MYLIP: variants seen among roughly 807,000 people sequenced by gnomAD.
MYLIP encodes the protein E3 ubiquitin-protein ligase MYLIP.
A neutral mutation model predicts 45.8 loss-of-function variants in MYLIP; 26 were observed. The ratio of observed to expected loss-of-function variants is 0.57; its 90% confidence interval spans 0.42 to 0.79. The LOEUF is 0.79. Ranked by LOEUF, MYLIP falls within the 30% of genes least tolerant of loss-of-function variation. MYLIP has a pLI of 0.00. For synonymous variants in MYLIP, 213 were observed against 218.1 expected, an observed-to-expected ratio of 0.98 and a Z score of 0.21; for missense variants, 494 against 555.6, an observed-to-expected ratio of 0.89 and a Z score of 1.11.
chr6:16,138,118 A>G (rs549487189), intron 2 of MYLIP, among the ~76,000 whole-genome samples: 7 of 152,352 alleles, frequency 4.6e-5, no homozygotes, highest in African/African-American at 1.7e-4. Flanking sequence ...CATAGGATGT[A>G]TTCATGGACA....
chr6:16,145,084 G>A lies in MYLIP; in HGVS notation c.1015G>A (p.Val339Ile), dbSNP rs142124143. The A allele has an allele frequency of 1.8e-3, 2,966 of 1,614,190 alleles. 4 individuals carry two copies. Among genetic ancestry groups the A allele is most frequent in the Non-Finnish European group, 2.2e-3 (2,568 of 1,180,016 alleles). ...ALYNAGVVDL[V>I]SRNNQSPSHS... ...GTACAATGCTGGCGTTGTGGACCTC[G>A]TTTCAAGAAACAACCAGAGCCCTTC... The change falls in exon 6 of 7, where the codon GTT becomes ATT. Residue 339 changes from valine to isoleucine, a missense_variant. Val to Ile is a conservative substitution (Grantham distance 29). Transcript: ENST00000356840.
At chr6:16,137,147 C>A (rs1165487097) in intron 2 of MYLIP, among the ~76,000 whole-genome samples, 3 of 152,180 alleles carry the variant, frequency 2.0e-5, no homozygotes, top group African/African-American at 4.8e-5. Flanking sequence ...ACGGTTTTAG[C>A]TTTTACATTT....
the MYLIP span, among the ~76,000 whole-genome samples, chr6:16,162,939 A>G: frequency 6.6e-6 from 1 of 152,172 alleles, no homozygotes; most frequent in African/African-American, 2.4e-5. Flanking sequence ...ATTCAGAAAG[A>G]TGACACGCCC....
At position 16,146,886 on chromosome 6, in the gene MYLIP, G is replaced by C; in HGVS notation, c.*135G>C. Reference sequence around the variant, plus strand: ...CGATGTTAAAAAAAAAAAAAAGGAAGAAAAATAACACAGCTACTCCTCACT... The same window carrying C: ...CGATGTTAAAAAAAAAAAAAAGGAACAAAAATAACACAGCTACTCCTCACT... On this transcript the variant is annotated 3_prime_UTR_variant, in exon 7 of 7. Transcript: ENST00000356840. The C allele has an allele frequency of 4.2e-6, 3 of 716,608 alleles. No individual in the cohort carries two copies. Among genetic ancestry groups the C allele is most frequent in the South Asian group, 2.0e-5 (1 of 48,788 alleles). 44.4% of individuals were successfully genotyped at this position (716,608 alleles called of 1,614,324 possible).
rs765116596 is a variant in MYLIP, at chr6:16,135,748, C to CATATATATATATATATATATATATAT, written c.278+5007_278+5008insATATATATATATATATATATATATAT. 3.4e-4 allele frequency among the ~76,000 whole-genome samples: 39 copies of CATATATATATATATATATATATATAT among 113,118 alleles called. 1 individual carries two copies. The highest frequency in any genetic ancestry group is 8.2e-4 in the Admixed American group (8 of 9,812). The allele number at this position is 113,118 out of a possible 152,430, so 74.2% of individuals were successfully genotyped here. A position where few individuals can be genotyped will look rare whatever the true frequency, so the allele number is the denominator to read the frequency against. The stretch of plus-strand genomic sequence containing the variant: ...TACACACATTATATGTGTGTGTATA[C>CATATATATATATATATATATATATAT]ATATATCTATATATATATATATATA... On this transcript the variant is annotated intron_variant, in intron 2 of 6. Coordinates refer to ENST00000356840, the MANE Select transcript of MYLIP (RefSeq NM_013262.4).
At chr6:16,151,179 C>T (rs941286846), downstream of MYLIP, among the ~76,000 whole-genome samples, 15 of 151,074 alleles carry the variant, frequency 9.9e-5, no homozygotes, top group Non-Finnish European at 2.2e-4. Flanking sequence ...GAAACCCCAT[C>T]TCTGCTAAAA....
Position 16,143,075 on chromosome 6 carries a change from C to G in MYLIP, c.520C>G (p.Gln174Glu). ...EGTSQASAEY[Q>E]VLQIVSAMEN... ...GACCAGCCAGGCTTCAGCTGAATAC[C>G]AAGTTTTGCAGATTGTGTCGGCAAT... Residue 174 changes from glutamine (Q) to glutamate (E), a missense_variant, in exon 4 of 7, where the codon CAA becomes GAA. By Grantham distance (29) the Gln-to-Glu change is conservative. Transcript: ENST00000356840. 6.2e-7 allele frequency: 1 copy of G among 1,614,190 alleles called. No individual in the cohort carries two copies. Among genetic ancestry groups the G allele is most frequent in the Non-Finnish European group, 8.5e-7 (1 of 1,180,042 alleles).
the MYLIP span, among the ~76,000 whole-genome samples, chr6:16,161,910 G>C: frequency 6.6e-6 from 1 of 151,950 alleles, no homozygotes; most frequent in South Asian, 2.1e-4. Flanking sequence ...GTCTATTAAG[G>C]GCTAAGAAAA....
chr6:16,161,780 T>C, the MYLIP span, among the ~76,000 whole-genome samples: 1 of 152,236 alleles, frequency 6.6e-6, no homozygotes, highest in Non-Finnish European at 1.5e-5. Context: ...CCGTACAATT[T>C]ATACCACATT....
chr6:16,147,372 A>C lies in MYLIP; in HGVS notation c.*621A>C, dbSNP rs1039148601. ...TAAACCAGTGTGGCTAGTAAAAAGC[A>C]GCTCACTCAATGTGGGTGGCTCCCT... On this transcript the variant is annotated 3_prime_UTR_variant, in exon 7 of 7. Transcript: ENST00000356840. 1.1e-4 allele frequency: 17 copies of C among 153,186 alleles called. No individual in the cohort carries two copies. Among genetic ancestry groups the C allele is most frequent in the African/African-American group, 4.1e-4 (17 of 41,586 alleles). 9.5% of individuals were successfully genotyped at this position (153,186 alleles called of 1,614,324 possible).
At chr6:16,141,046 G>C (rs1214159899) in intron 2 of MYLIP, among the ~76,000 whole-genome samples, 1 of 152,188 alleles carries the variant, frequency 6.6e-6, no homozygotes, top group Non-Finnish European at 1.5e-5. Context: ...AAGTCAGTCC[G>C]TGGTCTCCAT....
downstream of MYLIP, among the ~76,000 whole-genome samples, chr6:16,150,961 G>A (rs1371810622): frequency 6.6e-6 from 1 of 152,086 alleles, no homozygotes; most frequent in Admixed American, 6.5e-5. Context: ...ACGCCCCACA[G>A]GAGAGCACGC....
the MYLIP span, among the ~76,000 whole-genome samples, chr6:16,159,567 G>A: frequency 6.6e-6 from 1 of 152,212 alleles, no homozygotes; most frequent in South Asian, 2.1e-4. Context: ...AGTCTGTTGT[G>A]TTCAAACACA....
the MYLIP span, among the ~76,000 whole-genome samples, chr6:16,158,999 A>G: frequency 1.3e-5 from 2 of 152,216 alleles, no homozygotes; most frequent in African/African-American, 4.8e-5. Context: ...GTCAATGTTG[A>G]CTGAATACAT....
downstream of MYLIP, among the ~76,000 whole-genome samples, chr6:16,148,458 T>C (rs1484241655): frequency 1.3e-5 from 2 of 151,496 alleles, no homozygotes; most frequent in Non-Finnish European, 2.9e-5. Context: ...TTTTTTTTTT[T>C]CAAGAAAACT....
At chr6:16,133,115 C>T (rs1201725563) in intron 2 of MYLIP, among the ~76,000 whole-genome samples, 1 of 152,138 alleles carries the variant, frequency 6.6e-6, no homozygotes, top group Non-Finnish European at 1.5e-5. Context: ...GCCTGTTTGT[C>T]ATAGGACAGC....
At chr6:16,130,200 G>A (rs1759430069) in intron 1 of MYLIP, among the ~76,000 whole-genome samples, 1 of 152,250 alleles carries the variant, frequency 6.6e-6, no homozygotes, top group Non-Finnish European at 1.5e-5. Flanking sequence ...ATAATAAGTC[G>A]CCAAAAATCA....
intron 2 of MYLIP, among the ~76,000 whole-genome samples, chr6:16,136,998 C>T (rs1434103895): frequency 6.6e-6 from 1 of 152,098 alleles, no homozygotes; most frequent in Non-Finnish European, 1.5e-5. Flanking sequence ...TTTTCTGATG[C>T]CTTTTATGAG....
chr6:16,133,829 A>G (rs1362276751), intron 2 of MYLIP, among the ~76,000 whole-genome samples: 3 of 152,234 alleles, frequency 2.0e-5, no homozygotes, highest in African/African-American at 7.2e-5. Flanking sequence ...AAGGCTCACC[A>G]ACACATGGAT....
Sources: allele counts gnomAD v4.1 joint callset (sites outside exome capture counted in the v4.1 genomes callset), GRCh38; gene constraint gnomAD v4.1.1; transcripts MANE v1.5; gene names NCBI Gene and HGNC (gene_info 2026-07-23, HGNC 2026-07-21).